FGF13: variants seen among roughly 807,000 people sequenced by gnomAD.
The protein encoded by FGF13 is fibroblast growth factor homologous factor 2.
Under a neutral mutation model 19.5 loss-of-function variants are expected in FGF13, and 2 were observed. The ratio of observed to expected loss-of-function variants is 0.10; its 90% CI spans 0.04 to 0.32. The LOEUF is 0.32. FGF13 is among the 10% of genes least tolerant of loss of function. FGF13 has a pLI of 1.00. For missense variants in FGF13, 113 were observed against 192.7 expected (o/e 0.59, Z 2.45); for synonymous variants, 72 against 76.9 (o/e 0.94, Z 0.33).
chrX:138,701,298 G>A (rs779582386), intron 3 of FGF13, among the ~76,000 whole-genome samples: 41 of 111,848 alleles, frequency 3.7e-4, no homozygotes, highest in Non-Finnish European at 6.4e-4. Context: ...TTCAGAAAGC[G>A]TCTATTTTAT....
chrX:138,735,964 T>C (rs968701776), intron 1 of FGF13, among the ~76,000 whole-genome samples: 4 of 112,472 alleles, frequency 3.6e-5, no homozygotes, highest in African/African-American at 9.7e-5. Context: ...GATTTACATA[T>C]AATTTTCTGG....
chrX:139,129,448 G>A (rs1332542770), intron 1 of FGF13, among the ~76,000 whole-genome samples: 1 of 110,333 alleles, frequency 9.1e-6, no homozygotes, highest in South Asian at 3.8e-4. Flanking sequence ...CCTTCTTTAG[G>A]CCCTTTGTAG....
chrX:139,116,673 GA>G (rs747471174), intron 1 of FGF13, among the ~76,000 whole-genome samples: 163 of 111,204 alleles, frequency 1.5e-3, no homozygotes, highest in Admixed American at 4.5e-3. Flanking sequence ...GTGAAGAAAA[GA>G]AAAAGGAGAG....
At chrX:138,882,614 A>T in intron 1 of FGF13, among the ~76,000 whole-genome samples, 1 of 111,534 alleles carries the variant, frequency 9.0e-6, no homozygotes, top group Non-Finnish European at 1.9e-5. Flanking sequence ...ACCTCAGGAA[A>T]CTCAAGCCAT....
chrX:138,617,991 T>TCAA lies in FGF13; in HGVS notation c.*14856_*14858dup, dbSNP rs2088983641. On this transcript the variant is annotated 3_prime_UTR_variant, in exon 5 of 5. Coordinates refer to ENST00000315930, the MANE Select transcript of FGF13 (RefSeq NM_004114.5). ...AATATTTTAAATTATTTTGTAAAAC[T>TCAA]CAACAATTCCAAAATAAACTTTATT... 1 of 110,485 alleles carries TCAA rather than the reference T, an allele frequency of 9.1e-6. No homozygotes were observed. The highest frequency in any genetic ancestry group is 1.9e-5 in the Non-Finnish European group (1 of 52,755). 9.1% of individuals were successfully genotyped at this position (110,485 alleles called of 1,213,427 possible).
rs371293414 is a variant in FGF13 at position 138,632,886 on chromosome X, G to A, written c.702C>T (p.Asn234=). 6.8e-5 allele frequency: 82 copies of A among 1,207,970 alleles called. No individual in the cohort carries two copies. The highest frequency in any genetic ancestry group is 8.3e-5 in the Non-Finnish European group (74 of 894,351). The change falls in exon 5 of 5, where the codon AAC becomes AAT. Residue 234 remains asparagine, a synonymous_variant. Transcript: ENST00000315930. ...TKSRSVSGVL[N]GGKSMSHNES... is the part of the protein sequence containing the mutation. The stretch of plus-strand genomic sequence containing the variant: ...CATTGTGGCTCATGGATTTGCCTCC[G>A]TTCAGCACGCCAGAGACACTTCTGC...
At chrX:138,866,100 G>A (rs113244731) in intron 1 of FGF13, among the ~76,000 whole-genome samples, 12,184 of 112,354 alleles carry the variant, frequency 0.11, 1,567 homozygotes, top group African/African-American at 0.37. Flanking sequence ...GGGGACTGAG[G>A]CTACATTTTT....
intron 1 of FGF13, among the ~76,000 whole-genome samples, chrX:138,897,075 T>A (rs760766541): frequency 9.0e-6 from 1 of 111,721 alleles, no homozygotes; most frequent in Non-Finnish European, 1.9e-5. Context: ...AGTGGTATGA[T>A]CTTGGCTCAC....
chrX:138,842,806 C>T lies in FGF13; in HGVS notation c.217+14706G>A, dbSNP rs758830960. ...GCCCTTGACAACAGAATTATCTAGC[C>T]CCAAATGTCAACAGCACCAAAGTTG... On this transcript the variant is annotated intron_variant, in intron 3 of 6. Coordinates refer to the FGF13 transcript ENST00000436198. 7.8e-4 allele frequency among the ~76,000 whole-genome samples: 86 copies of T among 110,759 alleles called. 1 individual carries two copies. The highest frequency in any genetic ancestry group is 4.7e-3 in the Middle Eastern group (1 of 215).
chrX:139,154,149 CT>C (rs1356393942), intron 1 of FGF13, among the ~76,000 whole-genome samples: 1 of 111,822 alleles, frequency 8.9e-6, no homozygotes, highest in Non-Finnish European at 1.9e-5. Context: ...CACCCCATGA[CT>C]ACCCCCTTGT....
At chrX:139,192,192 G>A (rs139289533) in intron 1 of FGF13, among the ~76,000 whole-genome samples, 1 of 112,186 alleles carries the variant, frequency 8.9e-6, no homozygotes, top group Non-Finnish European at 1.9e-5. Context: ...AGGACACTGA[G>A]AACTCAAAAC....
chrX:139,175,102 G>A (rs911008056), intron 1 of FGF13, among the ~76,000 whole-genome samples: 1 of 111,319 alleles, frequency 9.0e-6, no homozygotes, highest in Non-Finnish European at 1.9e-5. Context: ...TCCTTGAAGA[G>A]GTCCTTCACA....
At chrX:138,819,646 G>A (rs2124061430) in intron 3 of FGF13, among the ~76,000 whole-genome samples, 1 of 111,402 alleles carries the variant, frequency 9.0e-6, no homozygotes, top group East Asian at 2.8e-4. Context: ...ATGGTCTTTT[G>A]GTGTTAATAT....
intron 3 of FGF13, among the ~76,000 whole-genome samples, chrX:138,769,063 T>C (rs1357255405): frequency 9.0e-6 from 1 of 111,153 alleles, no homozygotes; most frequent in Non-Finnish European, 1.9e-5. Flanking sequence ...ACTGTTCTAA[T>C]AACACTGTAA....
intron 1 of FGF13, among the ~76,000 whole-genome samples, chrX:139,113,196 A>T (rs374417374): frequency 9.0e-6 from 1 of 110,984 alleles, no homozygotes; most frequent in African/African-American, 3.3e-5. Context: ...TCAGCCACAG[A>T]GACCTCGTGG....
intron 1 of FGF13, among the ~76,000 whole-genome samples, chrX:138,907,722 T>C (rs1288806947): frequency 2.7e-5 from 3 of 111,634 alleles, no homozygotes; most frequent in Non-Finnish European, 5.6e-5. Flanking sequence ...TGGTGATCTA[T>C]TTATTCATGA....
At chrX:138,872,955 T>G (rs1184568537) in intron 1 of FGF13, among the ~76,000 whole-genome samples, 2 of 111,943 alleles carry the variant, frequency 1.8e-5, no homozygotes, top group Non-Finnish European at 3.8e-5. Context: ...TGTGGCCAAG[T>G]GATTACGTCT....
At chrX:138,658,654 G>C (rs1457953871) in intron 3 of FGF13, among the ~76,000 whole-genome samples, 1 of 111,509 alleles carries the variant, frequency 9.0e-6, no homozygotes, top group African/African-American at 3.3e-5. Flanking sequence ...TTTACATCCA[G>C]GAATTCTAAT....
At chrX:138,852,107 G>A (rs934583772) in intron 3 of FGF13, among the ~76,000 whole-genome samples, 2 of 111,933 alleles carry the variant, frequency 1.8e-5, no homozygotes, top group Non-Finnish European at 3.8e-5. Context: ...CTCATGGATA[G>A]AAAAAATAAA....
Sources: gnomAD v4.1 joint callset for allele counts (sites outside exome capture counted in the v4.1 genomes callset) on GRCh38, gnomAD v4.1.1 for gene constraint, MANE v1.5 for transcripts, NCBI Gene and HGNC (gene_info 2026-07-23, HGNC 2026-07-21) for gene names.